CUX2: variants seen among roughly 807,000 people sequenced by gnomAD.
CUX2 encodes the protein homeobox protein cut-like 2.
In CUX2, 40 loss-of-function variants were observed where a neutral mutation model predicts 144.8. The ratio of observed to expected loss-of-function variants is 0.28; its 90% CI spans 0.21 to 0.36. The LOEUF (loss-of-function observed/expected upper bound fraction) is 0.36, where lower values mean the gene tolerates loss of function less well. CUX2 is among the 10% of genes least tolerant of loss of function. The probability of loss-of-function intolerance (pLI) is 1.00; values close to 1 mark genes in which losing one functional copy is unlikely to be tolerated. For synonymous variants in CUX2, 827 were observed against 875.6 expected, an observed-to-expected ratio of 0.94 and a Z score of 0.98; for missense variants, 1,615 against 1,994.0, an observed-to-expected ratio of 0.81 and a Z score of 3.62.
rs990209838 is a variant in CUX2 at position 111,287,280 on chromosome 12, C to G, written c.302-4138C>G. Among the ~76,000 whole-genome samples the G allele has an allele frequency of 2.6e-4, 39 of 152,368 alleles. No individual in the cohort carries two copies. The highest frequency in any genetic ancestry group is 9.1e-4 in the African/African-American group (38 of 41,596). ...CAATGGGCTCATGGCCAGCAGGGCCCCTGGGCCACGAGCCGGATCCTCCCC... is the reference window on the plus strand; with the variant it reads ...CAATGGGCTCATGGCCAGCAGGGCCGCTGGGCCACGAGCCGGATCCTCCCC... On this transcript the variant is annotated intron_variant, in intron 4 of 21. Coordinates refer to ENST00000261726, the MANE Select transcript of CUX2 (RefSeq NM_015267.4). The surrounding 1 kb of genome is among the most constrained non-coding windows in gnomAD (Gnocchi z 4.2).
At chr12:111,290,312 G>A (rs906052139) in intron 4 of CUX2, among the ~76,000 whole-genome samples, 2 of 152,072 alleles carry the variant, frequency 1.3e-5, no homozygotes, top group African/African-American at 4.8e-5. Context: ...CTGAGGCTGG[G>A]GTACAGTGAT....
At position 111,338,304 on chromosome 12, in the gene CUX2, A is replaced by T. The variant is rs1592985355; in HGVS notation, c.3215A>T (p.Glu1072Val). 6.2e-7 allele frequency: 1 copy of T among 1,610,550 alleles called. No individual in the cohort carries two copies. The change falls in exon 20 of 22, where the codon GAA (glutamate) becomes GTA (valine). Residue 1072 changes from glutamate (E) to valine (V), a missense_variant. By Grantham distance (121) the Glu-to-Val change is moderately radical. Transcript: ENST00000261726. ...TCCCCAGGGCAGCGGCTGTTTGGGG[A>T]AAGCATCCTGGGTCTGACACAGGGC... ...DNNLGQRLFG[E>V]SILGLTQGSV...
At chr12:111,076,965 C>T (rs1026949253) in intron 1 of CUX2, among the ~76,000 whole-genome samples, 4 of 152,190 alleles carry the variant, frequency 2.6e-5, no homozygotes, top group East Asian at 3.8e-4. Context: ...CGTCGCCCCT[C>T]GGGGCCCTGC....
intron 1 of CUX2, among the ~76,000 whole-genome samples, chr12:111,193,334 A>G (rs1880018262): frequency 6.6e-6 from 1 of 152,242 alleles, no homozygotes; most frequent in African/African-American, 2.4e-5. Context: ...GGTGTTTTCT[A>G]CAGCAAAACA....
At chr12:111,127,508 T>C (rs2136104999) in intron 1 of CUX2, among the ~76,000 whole-genome samples, 1 of 152,348 alleles carries the variant, frequency 6.6e-6, no homozygotes, top group South Asian at 2.1e-4. Flanking sequence ...TCTTCGCCTG[T>C]TGTTCAGAGG....
intron 3 of CUX2, among the ~76,000 whole-genome samples, chr12:111,259,346 C>A (rs1192143523): frequency 1.3e-5 from 2 of 152,134 alleles, no homozygotes; most frequent in Non-Finnish European, 2.9e-5. Flanking sequence ...TCTTTCACAA[C>A]TACACAACTC....
rs753088571 is a variant in CUX2 at position 111,347,864 on chromosome 12, G to A, written c.4000G>A (p.Asp1334Asn). 45 of 1,613,982 alleles carry A rather than the reference G, an allele frequency of 2.8e-5. No individual in the cohort carries two copies. The highest frequency in any genetic ancestry group is 3.3e-5 in the Admixed American group (2 of 59,998). ...AGGTCCCCCCAAAGAGGAGCATCCCGACCCTCCGGGTAATGATGGACTCCC... is the reference window on the plus strand; with the variant it reads ...AGGTCCCCCCAAAGAGGAGCATCCCAACCCTCCGGGTAATGATGGACTCCC... ...GQGPPKEEHP[D>N]PPGNDGLPKV... is the part of the protein sequence containing the mutation. The change falls in exon 22 of 22, where the codon GAC becomes AAC. Residue 1334 changes from aspartate (D) to asparagine (N), a missense_variant. Transcript: ENST00000261726.
chr12:111,345,817 T>C (rs1275384860), intron 21 of CUX2, among the ~76,000 whole-genome samples: 1 of 105,754 alleles, frequency 9.5e-6, no homozygotes, highest in African/African-American at 3.7e-5. Context: ...TAACAGAAAA[T>C]GAAATAAACA....
At chr12:111,224,102 A>C (rs933156856) in intron 3 of CUX2, among the ~76,000 whole-genome samples, 2 of 152,034 alleles carry the variant, frequency 1.3e-5, no homozygotes, top group Non-Finnish European at 2.9e-5. Context: ...TTTTAACAGG[A>C]TCCCTCTGGC....
At chr12:111,134,088 G>A (rs761635434) in intron 1 of CUX2, among the ~76,000 whole-genome samples, 11 of 152,332 alleles carry the variant, frequency 7.2e-5, no homozygotes, top group Middle Eastern at 6.8e-3. Flanking sequence ...AGCTACAGGA[G>A]ATTAGAGTCT....
intron 1 of CUX2, among the ~76,000 whole-genome samples, chr12:111,060,326 G>T (rs1285439252): frequency 6.6e-6 from 1 of 152,158 alleles, no homozygotes; most frequent in Non-Finnish European, 1.5e-5. Context: ...TCCAGACTTG[G>T]CATATCCTGG....
chr12:111,340,512 C>G (rs1005353400), intron 20 of CUX2, among the ~76,000 whole-genome samples: 1 of 152,124 alleles, frequency 6.6e-6, no homozygotes, highest in African/African-American at 2.4e-5. Context: ...AGTTTGAGAC[C>G]AGCCTGGGCA....
chr12:111,090,071 A>C (rs1191301382), intron 1 of CUX2, among the ~76,000 whole-genome samples: 1 of 152,068 alleles, frequency 6.6e-6, no homozygotes, highest in Non-Finnish European at 1.5e-5. Flanking sequence ...GCCAGGGAGG[A>C]GGCAGCTGCA....
chr12:111,198,621 C>G (rs559399610), intron 1 of CUX2, among the ~76,000 whole-genome samples: 1 of 152,352 alleles, frequency 6.6e-6, no homozygotes, highest in African/African-American at 2.4e-5. Flanking sequence ...ATGCAGATAA[C>G]TATCTTTGCA....
intron 1 of CUX2, among the ~76,000 whole-genome samples, chr12:111,093,374 A>G (rs1458037937): frequency 1.3e-5 from 2 of 152,180 alleles, no homozygotes; most frequent in Middle Eastern, 3.4e-3. Context: ...CCCTCACACC[A>G]CGGCGACTTG....
chr12:111,333,958 C>T (rs1424424307), intron 18 of CUX2, among the ~76,000 whole-genome samples: 1 of 151,872 alleles, frequency 6.6e-6, no homozygotes, highest in Non-Finnish European at 1.5e-5. Flanking sequence ...GAGGCTGAGG[C>T]GGGTGGATCA....
intron 1 of CUX2, among the ~76,000 whole-genome samples, chr12:111,126,180 C>G (rs1404181899): frequency 6.6e-6 from 1 of 151,348 alleles, no homozygotes. Context: ...ATAATCTTGG[C>G]TCACTGCAAC....
chr12:111,268,586 T>C (rs954469005), intron 4 of CUX2, among the ~76,000 whole-genome samples: 1 of 152,222 alleles, frequency 6.6e-6, no homozygotes, highest in African/African-American at 2.4e-5. Context: ...CAAGAGCTGA[T>C]GGCACAGCTG....
chr12:111,180,091 C>T (rs574157062), intron 1 of CUX2, among the ~76,000 whole-genome samples: 1 of 151,938 alleles, frequency 6.6e-6, no homozygotes, highest in Non-Finnish European at 1.5e-5. Context: ...CCATGGGGCC[C>T]CCTGACCCCA....
Sources: gnomAD v4.1 joint callset for allele counts (sites outside exome capture counted in the v4.1 genomes callset) on GRCh38, gnomAD v4.1.1 for gene constraint, Gnocchi (gnomAD v3.1) non-coding constraint, MANE v1.5 for transcripts, NCBI Gene and HGNC (gene_info 2026-07-23, HGNC 2026-07-21) for gene names.